EPS8L1: variants seen among roughly 807,000 people sequenced by gnomAD.
EPS8L1 encodes epidermal growth factor receptor kinase substrate 8-like protein 1.
A neutral mutation model predicts 91.7 loss-of-function variants in EPS8L1; 101 were observed. The ratio of observed to expected loss-of-function variants is 1.10; its 90% confidence interval spans 0.94 to 1.30. The LOEUF (loss-of-function observed/expected upper bound fraction) is 1.30. Among genes scored for constraint, EPS8L1 ranks in the 50% most tolerant of loss-of-function variants. The pLI is 0.00. For missense variants in EPS8L1, 1,114 were observed against 1,017.0 expected (o/e 1.10, Z -1.30); for synonymous variants, 506 against 445.3 (o/e 1.14, Z -1.72).
intron 6 of EPS8L1, 58 bp downstream of exon 6, chr19:55,080,336 G>A: frequency 6.5e-7 from 1 of 1,542,640 alleles, no homozygotes; most frequent in Non-Finnish European, 8.7e-7. Flanking sequence ...CCTGGAGCCG[G>A]GGCGGAAATG....
chr19:55,082,511 A>C lies in EPS8L1; in HGVS notation c.1123A>C (p.Thr375Pro), dbSNP rs1254350922. The C allele has an allele frequency of 6.2e-7, 1 of 1,612,492 alleles. No homozygotes were observed. Among genetic ancestry groups the C allele is most frequent in the Non-Finnish European group, 8.5e-7 (1 of 1,179,782 alleles). The change falls in exon 12 of 20, where the codon ACA (threonine) becomes CCA (proline). Residue 375 changes from threonine (T) to proline (P), a missense_variant. Physicochemically the swap from Thr to Pro is conservative, Grantham distance 38. Transcript: ENST00000201647. The part of the protein sequence containing the change: ...FASSVRRPHL[T>P]SDAVALLRDN... ...GAGCAGTGTGCGGCGGCCGCATCTGACATCGGATGCCGTGGCGCTGCTGCG... is the reference window on the plus strand; with the variant it reads ...GAGCAGTGTGCGGCGGCCGCATCTGCCATCGGATGCCGTGGCGCTGCTGCG...
In EPS8L1 at chr19:55,083,821, T is replaced by A. The variant is rs766934946; in HGVS notation, c.1385+177T>A. On this transcript the variant is annotated intron_variant, in intron 14 of 19. Transcript: ENST00000201647. The surrounding 1 kb of genome is among the most constrained non-coding windows in gnomAD (Gnocchi z 4.7). Reference sequence around the variant, plus strand: ...GGCTGGGAGAGAGGGAGGAGCAGGGTGGGAGGGGGCGGGACCCAGACTTCT... The same window carrying A: ...GGCTGGGAGAGAGGGAGGAGCAGGGAGGGAGGGGGCGGGACCCAGACTTCT... 2.6e-5 allele frequency: 2 copies of A among 76,832 alleles called. No homozygotes were observed. The highest frequency in any genetic ancestry group is 2.6e-4 in the African/African-American group (1 of 3,826). 4.8% of individuals were successfully genotyped at this position (76,832 alleles called of 1,614,324 possible). A position where few individuals can be genotyped will look rare whatever the true frequency, so the allele number is the denominator to read the frequency against.
At chr19:55,077,869 G>A (rs2076161624) in intron 2 of EPS8L1, among the ~76,000 whole-genome samples, 1 of 150,438 alleles carries the variant, frequency 6.6e-6, no homozygotes, top group Non-Finnish European at 1.5e-5. Context: ...TTACAGGCGT[G>A]AGCCACCGCG....
In EPS8L1 at chr19:55,083,788, C is replaced by G; in HGVS notation, c.1385+144C>G. ...TCAGGTGGGTGAGATGGTGATGGGG[C>G]GGGCCGGGGCTGGGAGAGAGGGAGG... On this transcript the variant is annotated intron_variant, in intron 14 of 19. Transcript: ENST00000201647. The surrounding 1 kb of genome is among the most constrained non-coding windows in gnomAD (Gnocchi z 4.7). 84 of 191,248 alleles carry G rather than the reference C, an allele frequency of 4.4e-4. No individual in the cohort carries two copies. The highest frequency in any genetic ancestry group is 1.8e-3 in the East Asian group (9 of 5,086). The allele number at this position is 191,248 out of a possible 1,614,324, so 11.8% of individuals were successfully genotyped here. A position where few individuals can be genotyped will look rare whatever the true frequency, so the allele number is the denominator to read the frequency against.
intron 18 of EPS8L1, 47 bp downstream of exon 18, chr19:55,086,935 G>A (rs778046947): frequency 1.2e-4 from 174 of 1,402,662 alleles, no homozygotes; most frequent in Non-Finnish European, 1.4e-4. Flanking sequence ...ACGGACGCTG[G>A]GAGCGGAGCG....
chr19:55,079,958 G>A, intron 5 of EPS8L1, 107 bp downstream of exon 5: 1 of 1,459,560 alleles, frequency 6.9e-7, no homozygotes, highest in Non-Finnish European at 9.1e-7. Flanking sequence ...CTCTGGCGAG[G>A]GACCCCAGCC....
intron 18 of EPS8L1, chr19:55,087,097 C>A: frequency 9.3e-7 from 1 of 1,073,158 alleles, no homozygotes; most frequent in Non-Finnish European, 1.3e-6. Flanking sequence ...TTAGGGAAAT[C>A]CCGTACCCTT....
intron 16 of EPS8L1, 77 bp downstream of exon 16, chr19:55,086,269 C>T: frequency 6.2e-7 from 1 of 1,609,416 alleles, no homozygotes; most frequent in Non-Finnish European, 8.5e-7. Context: ...GCGTGGGGAT[C>T]AGCTGTCAAG....
Position 55,083,732 on chromosome 19 carries a change from T to A in EPS8L1, c.1385+88T>A. 6.5e-7 allele frequency: 1 copy of A among 1,532,306 alleles called. No homozygotes were observed. The highest frequency in any genetic ancestry group is 8.8e-7 in the Non-Finnish European group (1 of 1,130,656). 94.9% of individuals were successfully genotyped at this position (1,532,306 alleles called of 1,614,324 possible). ...ATGCTGACTCCGCCCCCTTTTTTTC[T>A]GTGTTTTTCCTTCTGTCTTCCTGGC... On this transcript the variant is annotated intron_variant, in intron 14 of 19. Coordinates refer to ENST00000201647, the MANE Select transcript of EPS8L1 (RefSeq NM_133180.3). This position sits in a 1 kb window ranked among gnomAD's most constrained non-coding sequence, Gnocchi z 4.7.
intron 6 of EPS8L1, 50 bp downstream of exon 6, chr19:55,080,328 T>C (rs8099843): frequency 2.0e-6 from 3 of 1,533,762 alleles, no homozygotes; most frequent in Non-Finnish European, 2.6e-6. Context: ...GGGCGGAGCC[T>C]GGAGCCGGGG....
chr19:55,079,461 C>T (rs1024674450), intron 4 of EPS8L1: 26 of 604,062 alleles, frequency 4.3e-5, no homozygotes, highest in South Asian at 6.4e-5. Flanking sequence ...CTTCCCTGCC[C>T]GCAAGGAGCC....
At chr19:55,082,423 G>T (rs747002553) in intron 11 of EPS8L1, 31 bp from the exon 12 acceptor site, 1 of 1,611,024 alleles carries the variant, frequency 6.2e-7, no homozygotes, top group South Asian at 1.1e-5. Context: ...AGGTGTGGCG[G>T]CACAGCCTGC....
rs2076348363 is a variant in EPS8L1 at position 55,085,992 on chromosome 19, T to C, written c.1518+19T>C. ...ACTGGAGGTTAGAGGAGCGGGAGGC[T>C]GAGGGGCAGGAATTAGCCAGCCCTA... On this transcript the variant is annotated intron_variant, in intron 15 of 19. Coordinates refer to ENST00000201647, the MANE Select transcript of EPS8L1 (RefSeq NM_133180.3). 5.0e-6 allele frequency: 8 copies of C among 1,608,212 alleles called. No individual in the cohort carries two copies. Among genetic ancestry groups the C allele is most frequent in the Non-Finnish European group, 6.8e-6 (8 of 1,175,198 alleles).
chr19:55,084,759 T>C (rs2076338861), intron 14 of EPS8L1: 1 of 152,168 alleles, frequency 6.6e-6, no homozygotes, highest in Non-Finnish European at 1.5e-5. Context: ...CAAGTCACTT[T>C]CTCCGAGCCT....
In EPS8L1 at chr19:55,083,749, C is replaced by A; in HGVS notation, c.1385+105C>A. On this transcript the variant is annotated intron_variant, in intron 14 of 19. Transcript: ENST00000201647. This position sits in a 1 kb window ranked among gnomAD's most constrained non-coding sequence, Gnocchi z 4.7. The stretch of plus-strand genomic sequence containing the variant: ...TTTTTTTCTGTGTTTTTCCTTCTGT[C>A]TTCCTGGCTCTTCTCAGGTGGGTGA... 1 of 1,270,854 alleles carries A rather than the reference C, an allele frequency of 7.9e-7. No homozygotes were observed. Among genetic ancestry groups the A allele is most frequent in the Non-Finnish European group, 1.1e-6 (1 of 950,286 alleles). The allele number at this position is 1,270,854 out of a possible 1,614,324, so 78.7% of individuals were successfully genotyped here.
In EPS8L1 at chr19:55,081,746, T is replaced by A; in HGVS notation, c.775-27T>A. ...GGATGGTTTTGGAACTCGGGAGCCCTGAGCGTCCCCCTCCTCTGTCCCCTA... is the reference window on the plus strand; with the variant it reads ...GGATGGTTTTGGAACTCGGGAGCCCAGAGCGTCCCCCTCCTCTGTCCCCTA... On this transcript the variant is annotated intron_variant, in intron 8 of 19. Coordinates refer to ENST00000201647, the MANE Select transcript of EPS8L1 (RefSeq NM_133180.3). The surrounding 1 kb of genome is among the most constrained non-coding windows in gnomAD (Gnocchi z 4.9). 2 of 1,582,670 alleles carry A rather than the reference T, an allele frequency of 1.3e-6. No homozygotes were observed. The highest frequency in any genetic ancestry group is 1.7e-6 in the Non-Finnish European group (2 of 1,161,834).
At chr19:55,087,135 G>T in intron 18 of EPS8L1, 168 bp from the exon 19 acceptor site, 1 of 1,169,434 alleles carries the variant, frequency 8.6e-7, no homozygotes, top group Non-Finnish European at 1.2e-6. Flanking sequence ...CACGCCCCCC[G>T]GGTGGCAACA....
rs770400676 is a variant in EPS8L1, at chr19:55,083,644, G to T, written c.1385G>T (p.Gly462Val). The T allele has an allele frequency of 1.3e-6, 2 of 1,594,666 alleles. No homozygotes were observed. The highest frequency in any genetic ancestry group is 1.8e-5 in the Admixed American group (1 of 56,820). Reference sequence around the variant, plus strand: ...AGCGCCCCCCAGGTCGCTGTCAATGGGTGAGTGTCCGCCCCAGGGCAGGGC... The same window carrying T: ...AGCGCCCCCCAGGTCGCTGTCAATGTGTGAGTGTCCGCCCCAGGGCAGGGC... Reference protein sequence around the residue: ...QQSAPQVAVNGHRDLEPESEP... With the variant: ...QQSAPQVAVNVHRDLEPESEP... The change falls in exon 14 of 20, where the codon GGT becomes GTT. Residue 462 changes from glycine to valine, a missense_variant and splice_region_variant. Gly to Val is a moderately radical substitution (Grantham distance 109). Coordinates refer to ENST00000201647, the MANE Select transcript of EPS8L1 (RefSeq NM_133180.3). This position sits in a 1 kb window ranked among gnomAD's most constrained non-coding sequence, Gnocchi z 4.7.
At position 55,080,190 on chromosome 19, in the gene EPS8L1, G is replaced by T; in HGVS notation, c.341G>T (p.Gly114Val). Residue 114 changes from glycine (G) to valine (V), a missense_variant, in exon 6 of 20, where the codon GGC (glycine) becomes GTC (valine). Physicochemically the swap from Gly to Val is moderately radical, Grantham distance 109 (BLOSUM62 -3). Transcript: ENST00000201647. ...IVRCDAVMPP[G>V]RSRSLLLLVC... ...CGCTGTGACGCGGTGATGCCACCCG[G>T]CAGGAGCCGCTCGTTGCTGCTGCTC... 6.5e-7 allele frequency: 1 copy of T among 1,535,762 alleles called. No homozygotes were observed.
Sources: gnomAD v4.1 joint callset for allele counts (sites outside exome capture counted in the v4.1 genomes callset) on GRCh38, gnomAD v4.1.1 for gene constraint, Gnocchi (gnomAD v3.1) non-coding constraint, MANE v1.5 for transcripts, NCBI Gene and HGNC (gene_info 2026-07-23, HGNC 2026-07-21) for gene names.